Variants in UTP20 observed in about 807,000 individuals in gnomAD.
UTP20 encodes small subunit processome component 20 homolog.
UTP20 carries 164 observed loss-of-function variants against 329.5 expected under a neutral mutation model. The ratio of observed to expected loss-of-function variants is 0.50; its 90% confidence interval spans 0.44 to 0.57. The LOEUF (loss-of-function observed/expected upper bound fraction) is 0.57, where lower values mean the gene tolerates loss of function less well. Among genes scored for constraint, UTP20 ranks in the 20% least tolerant of loss-of-function variants. The pLI is 0.00. For missense variants in UTP20, 3,055 were observed against 3,284.2 expected (o/e 0.93, Z 1.71); for synonymous variants, 1,151 against 1,159.3 (o/e 0.99, Z 0.14).
At chr12:101,287,101 G>A (rs1169153610) in intron 5 of UTP20, among the ~76,000 whole-genome samples, 1 of 152,060 alleles carries the variant, frequency 6.6e-6, no homozygotes, top group Non-Finnish European at 1.5e-5. Context: ...TTTCCACTTG[G>A]TCTTCCGGTT....
chr12:101,353,705 A>T (rs1869618794), intron 40 of UTP20, among the ~76,000 whole-genome samples: 1 of 152,162 alleles, frequency 6.6e-6, no homozygotes, highest in Non-Finnish European at 1.5e-5. Context: ...CCCTATGTCT[A>T]AAAATAAAAA....
At chr12:101,352,030 T>C (rs1869544834) in intron 38 of UTP20, 25 bp from the exon 39 acceptor site, 2 of 1,611,450 alleles carry the variant, frequency 1.2e-6, no homozygotes, top group East Asian at 4.5e-5. Context: ...TTGTTCTGCA[T>C]TGATGTTCTT....
intron 5 of UTP20, among the ~76,000 whole-genome samples, chr12:101,287,967 C>A (rs1872013883): frequency 1.3e-5 from 2 of 152,196 alleles, no homozygotes; most frequent in Admixed American, 1.3e-4. Flanking sequence ...TAGTAAGGCG[C>A]CAGATCATCC....
intron 43 of UTP20, among the ~76,000 whole-genome samples, chr12:101,359,404 T>C (rs1025513931): frequency 3.9e-5 from 6 of 151,934 alleles, no homozygotes; most frequent in Non-Finnish European, 8.8e-5. Context: ...AGTGCACTCT[T>C]TCTCCTCTCC....
chr12:101,329,186 A>G, intron 26 of UTP20, 55 bp from the exon 27 acceptor site: 1 of 1,396,956 alleles, frequency 7.2e-7, no homozygotes, highest in South Asian at 1.2e-5. Context: ...AATTATAAAT[A>G]GTAACAAACT....
chr12:101,349,514 C>G (rs1040692303), intron 38 of UTP20, among the ~76,000 whole-genome samples: 4 of 151,772 alleles, frequency 2.6e-5, no homozygotes, highest in African/African-American at 9.7e-5. Flanking sequence ...TCTCTGCTTA[C>G]TGCAACCTCT....
rs145374811 is a variant in UTP20, at chr12:101,343,006, G to C, written c.4362G>C (p.Gln1454His). The C allele has an allele frequency of 2.8e-4, 459 of 1,613,706 alleles. No homozygotes were observed. Among genetic ancestry groups the C allele is most frequent in the Non-Finnish European group, 3.6e-4 (430 of 1,179,868 alleles). The change falls in exon 35 of 62, where the codon CAG (glutamine) becomes CAC (histidine). Residue 1454 changes from glutamine to histidine, a missense_variant. Physicochemically the swap from Gln to His is conservative, Grantham distance 24 (BLOSUM62 0). Around this residue, in one of 3 missense-constraint regions of UTP20, gnomAD observed 2,445 missense variants for 2,575.5 expected, o/e 0.95. Coordinates refer to ENST00000261637, the MANE Select transcript of UTP20 (RefSeq NM_014503.3). ...TCGACGTTCGCTTTGAGACTTTCCA[G>C]ACCATCACCTCTTACATTAAAGAAA... ...INFDVRFETF[Q>H]TITSYIKEMQ...
At chr12:101,382,592 C>T (rs1342618154) in intron 58 of UTP20, among the ~76,000 whole-genome samples, 1 of 152,050 alleles carries the variant, frequency 6.6e-6, no homozygotes, top group South Asian at 2.1e-4. Flanking sequence ...GTGGCTCACA[C>T]CTGTAATCGC....
chr12:101,375,221 A>G (rs1870432919), intron 55 of UTP20, among the ~76,000 whole-genome samples: 1 of 151,976 alleles, frequency 6.6e-6, no homozygotes, highest in South Asian at 2.1e-4. Flanking sequence ...GGACCGTGCC[A>G]CTGTACTCCA....
intron 22 of UTP20, among the ~76,000 whole-genome samples, chr12:101,317,974 C>T (rs774723588): frequency 2.0e-5 from 3 of 152,100 alleles, no homozygotes; most frequent in Admixed American, 1.3e-4. Context: ...TGACCTTTGT[C>T]GTGCACTTTC....
intron 12 of UTP20, 127 bp from the exon 13 acceptor site, chr12:101,299,555 C>T (rs907826320): frequency 9.4e-6 from 8 of 854,432 alleles, no homozygotes; most frequent in Non-Finnish European, 1.4e-5. Context: ...TTGTTTAGCT[C>T]AACCACCACC....
rs1171109336 is a variant in UTP20, at chr12:101,285,785, C to T, written c.230C>T (p.Ser77Leu). The change falls in exon 4 of 62, where the codon TCA becomes TTA. Residue 77 changes from serine (S) to leucine (L), a missense_variant. By Grantham distance (145) the Ser-to-Leu change is moderately radical. Transcript: ENST00000261637. Reference sequence around the variant, plus strand: ...AAAGAAGTTATTGACAAATGCCAATCATTCAATCAGTTGGTGTATCACCAA... The same window carrying T: ...AAAGAAGTTATTGACAAATGCCAATTATTCAATCAGTTGGTGTATCACCAA... ...FYKEVIDKCQSFNQLVYHQNE... is the reference protein window; with the variant it reads ...FYKEVIDKCQLFNQLVYHQNE... 3 of 1,613,564 alleles carry T rather than the reference C, an allele frequency of 1.9e-6. No homozygotes were observed. The highest frequency in any genetic ancestry group is 2.5e-6 in the Non-Finnish European group (3 of 1,179,874).
At chr12:101,382,128 G>T (rs1313151843) in intron 58 of UTP20, among the ~76,000 whole-genome samples, 1 of 151,994 alleles carries the variant, frequency 6.6e-6, no homozygotes, top group Non-Finnish European at 1.5e-5. Flanking sequence ...AAATGGGGCT[G>T]GTGTGGTGAC....
intron 11 of UTP20, 106 bp downstream of exon 11, chr12:101,293,351 G>A: frequency 1.0e-6 from 1 of 963,404 alleles, no homozygotes; most frequent in South Asian, 1.4e-5. Flanking sequence ...AGAGGAACAG[G>A]ATAAGTGCTT....
In UTP20 at chr12:101,362,135, A is replaced by G. The variant is rs144821691; in HGVS notation, c.5790+75A>G. 17 of 1,041,008 alleles carry G rather than the reference A, an allele frequency of 1.6e-5. No homozygotes were observed. The East Asian group carries it at 4.2e-4, about 26-fold the overall frequency. 64.5% of individuals were successfully genotyped at this position (1,041,008 alleles called of 1,614,324 possible). ...CACAAAAAAATCAATTCACCAAATAAGAAATAATAATAGCCCATAAAAATG... is the reference window on the plus strand; with the variant it reads ...CACAAAAAAATCAATTCACCAAATAGGAAATAATAATAGCCCATAAAAATG... On this transcript the variant is annotated intron_variant, in intron 44 of 61. Coordinates refer to ENST00000261637, the MANE Select transcript of UTP20 (RefSeq NM_014503.3).
chr12:101,329,021 C>T (rs1049459787), intron 26 of UTP20, among the ~76,000 whole-genome samples: 2 of 151,992 alleles, frequency 1.3e-5, no homozygotes, highest in African/African-American at 4.8e-5. Context: ...TTCTTCTTCT[C>T]TAAAGTGGGG....
chr12:101,374,042 C>T (rs867287897), intron 54 of UTP20, among the ~76,000 whole-genome samples: 7 of 151,484 alleles, frequency 4.6e-5, no homozygotes, highest in South Asian at 2.1e-4. Context: ...GAGACCATCC[C>T]GGCTAAAACG....
rs1396614350 is a variant in UTP20 at position 101,356,969 on chromosome 12, G to A, written c.5578G>A (p.Glu1860Lys). 5.6e-6 allele frequency: 9 copies of A among 1,613,958 alleles called. No individual in the cohort carries two copies. The highest frequency in any genetic ancestry group is 7.6e-6 in the Non-Finnish European group (9 of 1,179,988). The change falls in exon 43 of 62, where the codon GAA (glutamate) becomes AAA (lysine). Residue 1860 changes from glutamate (E) to lysine (K), a missense_variant. Glu to Lys is a moderately conservative substitution (Grantham distance 56). This residue lies in a region of UTP20 where 2,445 missense variants were observed against 2,575.5 expected (regional missense o/e 0.95). Transcript: ENST00000261637. The part of the protein sequence containing the change: ...VCALLKNRAQ[E>K]IRDIARSTLA... ...TGCCCTACTCAAGAACAGAGCCCAA[G>A]AAATCAGAGACATTGCACGCAGCAC...
Position 101,333,348 on chromosome 12 carries a change from A to G in UTP20, c.3465A>G (p.Gly1155=). The G allele has an allele frequency of 6.2e-7, 1 of 1,614,040 alleles. No homozygotes were observed. Among genetic ancestry groups the G allele is most frequent in the South Asian group, 1.1e-5 (1 of 91,060 alleles). The stretch of plus-strand genomic sequence containing the variant: ...CATTGAAAAATTTAAGACGTCTTGG[A>G]ATCAAAATGGTAACTGATATCTTTT... ...INPLKNLRRL[G]IKMVTDIFLD... Residue 1155 remains glycine, a synonymous_variant, in exon 28 of 62, where the codon GGA becomes GGG. Coordinates refer to ENST00000261637, the MANE Select transcript of UTP20 (RefSeq NM_014503.3).
Sources: gnomAD v4.1 joint callset for allele counts (sites outside exome capture counted in the v4.1 genomes callset) on GRCh38, gnomAD v4.1.1 for gene constraint, gnomAD v4.1.1 regional missense constraint, MANE v1.5 for transcripts, NCBI Gene and HGNC (gene_info 2026-07-23, HGNC 2026-07-21) for gene names.